The following CARMIL1 variants were observed in gnomAD, a reference collection of about 807,000 sequenced individuals.
CARMIL1 encodes the protein capping protein regulator and myosin 1 linker 1.
Under a neutral mutation model 177.1 loss-of-function variants are expected in CARMIL1, and 90 were observed. The ratio of observed to expected loss-of-function variants is 0.51; its 90% CI spans 0.43 to 0.61. CARMIL1 has a LOEUF of 0.61. CARMIL1 is among the 20% of genes least tolerant of loss of function. The pLI is 0.00. For synonymous variants in CARMIL1, 577 were observed against 606.2 expected, an observed-to-expected ratio of 0.95 and a Z score of 0.71; for missense variants, 1,380 against 1,667.0, an observed-to-expected ratio of 0.83 and a Z score of 3.00.
chr6:25,508,155 C>A (rs892882998), intron 17 of CARMIL1, among the ~76,000 whole-genome samples: 1 of 152,000 alleles, frequency 6.6e-6, no homozygotes, highest in African/African-American at 2.4e-5. Flanking sequence ...GGAAGATGTA[C>A]AGGTGTCATG....
chr6:25,442,592 T>C (rs1439650222), intron 5 of CARMIL1, among the ~76,000 whole-genome samples: 1 of 152,114 alleles, frequency 6.6e-6, no homozygotes, highest in East Asian at 1.9e-4. Context: ...CTCCTCTCAC[T>C]TATTATTTCT....
intron 1 of CARMIL1, among the ~76,000 whole-genome samples, chr6:25,283,594 T>A (rs540737145): frequency 6.6e-6 from 1 of 152,316 alleles, no homozygotes; most frequent in South Asian, 2.1e-4. Flanking sequence ...ATGTGAAGTC[T>A]CCAGATTTCT....
chr6:25,446,739 G>A (rs1798272927), intron 5 of CARMIL1, among the ~76,000 whole-genome samples: 1 of 152,100 alleles, frequency 6.6e-6, no homozygotes, highest in Admixed American at 6.5e-5. Flanking sequence ...CTTTCCATGT[G>A]CCTTTCTCAC....
intron 2 of CARMIL1, among the ~76,000 whole-genome samples, chr6:25,387,991 C>A (rs545426909): frequency 6.6e-6 from 1 of 151,898 alleles, no homozygotes; most frequent in African/African-American, 2.4e-5. Flanking sequence ...AGAAACAGTT[C>A]ATAAGAAAAA....
chr6:25,305,881 A>G (rs1783219792), intron 2 of CARMIL1, among the ~76,000 whole-genome samples: 1 of 152,258 alleles, frequency 6.6e-6, no homozygotes, highest in South Asian at 2.1e-4. Context: ...TCAAGCCAAT[A>G]TATGCCTCAG....
intron 2 of CARMIL1, among the ~76,000 whole-genome samples, chr6:25,383,026 T>C (rs1243338486): frequency 6.6e-6 from 1 of 152,080 alleles, no homozygotes; most frequent in Non-Finnish European, 1.5e-5. Context: ...GAAGTCCAAA[T>C]GAGGGCAGAA....
At chr6:25,579,531 TGCA>T (rs941862148) in intron 29 of CARMIL1, among the ~76,000 whole-genome samples, 26 of 152,230 alleles carry the variant, frequency 1.7e-4, no homozygotes, top group African/African-American at 6.0e-4. Context: ...TTCAGCCAAC[TGCA>T]TGGCTAACTT....
At chr6:25,535,548 T>C (rs1220811606) in intron 24 of CARMIL1, among the ~76,000 whole-genome samples, 1 of 152,152 alleles carries the variant, frequency 6.6e-6, no homozygotes, top group Non-Finnish European at 1.5e-5. Flanking sequence ...CAACAACTTT[T>C]CTGTATTGCT....
At chr6:25,445,412 C>T (rs1285041737) in intron 5 of CARMIL1, among the ~76,000 whole-genome samples, 1 of 152,120 alleles carries the variant, frequency 6.6e-6, no homozygotes, top group Non-Finnish European at 1.5e-5. Context: ...TCCCGTGAGT[C>T]ATGAATGTTC....
At position 25,297,572 on chromosome 6, in the gene CARMIL1, T is replaced by C. The variant is rs145355066; in HGVS notation, c.138+12663T>C. Among the ~76,000 whole-genome samples, 36 of 152,358 alleles carry C rather than the reference T, an allele frequency of 2.4e-4. No homozygotes were observed. The East Asian group carries it at 6.8e-3, about 29-fold the overall frequency. On this transcript the variant is annotated intron_variant, in intron 2 of 36. Transcript: ENST00000329474. The stretch of plus-strand genomic sequence containing the variant: ...TGCGAGAAGTTGGTCCAATCTTTCC[T>C]GTCCAGGGTTGCTTGTTAATACAGC...
intron 31 of CARMIL1, among the ~76,000 whole-genome samples, chr6:25,586,983 G>GAGAGGGAGACCGTGGAGAC (rs1231941118): frequency 6.9e-6 from 1 of 145,736 alleles, no homozygotes; most frequent in East Asian, 2.1e-4. Flanking sequence ...GAGAGAGAGG[G>GAGAGGGAGACCGTGGAGAC]AGAGGGAGAC....
chr6:25,339,547 T>C (rs1004374189), intron 2 of CARMIL1, among the ~76,000 whole-genome samples: 57 of 152,238 alleles, frequency 3.7e-4, no homozygotes, highest in African/African-American at 1.4e-3. Context: ...AGTAGATATC[T>C]CAGATATTCT....
intron 2 of CARMIL1, among the ~76,000 whole-genome samples, chr6:25,400,373 G>A (rs900470587): frequency 2.0e-5 from 3 of 152,086 alleles, no homozygotes; most frequent in African/African-American, 7.2e-5. Context: ...CATCTTCCTG[G>A]ATGCTTTTCC....
At chr6:25,607,861 G>A (rs1426364796) in intron 35 of CARMIL1, among the ~76,000 whole-genome samples, 1 of 152,084 alleles carries the variant, frequency 6.6e-6, no homozygotes, top group Admixed American at 6.5e-5. Context: ...GTGGTGTACT[G>A]GCTTTACCTC....
Position 25,610,176 on chromosome 6 carries a change from A to G in CARMIL1, c.3974A>G (p.Gln1325Arg). ...SPQPSPRTFS[Q>R]EVSRRSWGQQ... ...CAGCCCAGCCCCAGGACATTTTCAC[A>G]GGAAGGTAAGGATTGTAAGGATTTC... Residue 1325 changes from glutamine (Q) to arginine (R), a missense_variant, in exon 36 of 37, where the codon CAG becomes CGG. Physicochemically the swap from Gln to Arg is conservative, Grantham distance 43. Transcript: ENST00000329474. 1.2e-6 allele frequency: 2 copies of G among 1,612,952 alleles called. No individual in the cohort carries two copies.
chr6:25,286,111 G>A (rs191638874), intron 2 of CARMIL1, among the ~76,000 whole-genome samples: 1 of 152,194 alleles, frequency 6.6e-6, no homozygotes, highest in Non-Finnish European at 1.5e-5. Context: ...GGACTCAAGC[G>A]ATCTGCCTGC....
At chr6:25,383,299 A>C (rs1443176767) in intron 2 of CARMIL1, among the ~76,000 whole-genome samples, 1 of 152,186 alleles carries the variant, frequency 6.6e-6, no homozygotes, top group East Asian at 1.9e-4. Context: ...TCAAATGTAC[A>C]TAGATGTAGA....
chr6:25,432,062 C>T (rs1796837938), intron 4 of CARMIL1, among the ~76,000 whole-genome samples: 1 of 152,162 alleles, frequency 6.6e-6, no homozygotes, highest in South Asian at 2.1e-4. Flanking sequence ...ATCATACTTC[C>T]TCATTCTCCT....
At chr6:25,292,840 A>C (rs1422857138) in intron 2 of CARMIL1, among the ~76,000 whole-genome samples, 3 of 152,184 alleles carry the variant, frequency 2.0e-5, no homozygotes, top group Non-Finnish European at 4.4e-5. Context: ...GTAGCATGAA[A>C]GGGACATTGT....
Sources: allele counts gnomAD v4.1 joint callset (sites outside exome capture counted in the v4.1 genomes callset), GRCh38; gene constraint gnomAD v4.1.1; transcripts MANE v1.5; gene names NCBI Gene and HGNC (gene_info 2026-07-23, HGNC 2026-07-21).